The following PDE4B variants were observed in gnomAD, a reference collection of about 807,000 sequenced individuals.
PDE4B encodes 3',5'-cyclic-AMP phosphodiesterase 4B.
Under a neutral mutation model 82.2 loss-of-function variants are expected in PDE4B, and 20 were observed. The observed-to-expected ratio is 0.24, with a 90% CI of 0.17 to 0.35. The LOEUF (loss-of-function observed/expected upper bound fraction) is 0.35. PDE4B is among the 10% of genes least tolerant of loss of function. PDE4B has a pLI of 1.00. For missense variants in PDE4B, 655 were observed against 907.2 expected, an observed-to-expected ratio of 0.72 and a Z score of 3.57; for synonymous variants, 320 against 318.9, an observed-to-expected ratio of 1.00 and a Z score of -0.04.
chr1:65,849,184 A>G (rs1646301536), intron 1 of PDE4B, among the ~76,000 whole-genome samples: 1 of 152,128 alleles, frequency 6.6e-6, no homozygotes, highest in Non-Finnish European at 1.5e-5. Flanking sequence ...TCCACTGGCT[A>G]TTTGCCTTCA....
chr1:66,104,166 C>T (rs1645287137), intron 3 of PDE4B, among the ~76,000 whole-genome samples: 2 of 149,282 alleles, frequency 1.3e-5, no homozygotes, highest in South Asian at 2.1e-4. Flanking sequence ...TCAATTCCCA[C>T]CTATGAGTGA....
chr1:66,341,450 T>C (rs1188323358), intron 8 of PDE4B, among the ~76,000 whole-genome samples: 1 of 152,224 alleles, frequency 6.6e-6, no homozygotes, highest in African/African-American at 2.4e-5. Context: ...CTTAATAATT[T>C]CAAGTAAAGA....
chr1:66,056,612 A>G (rs762735923), intron 3 of PDE4B, among the ~76,000 whole-genome samples: 4 of 151,770 alleles, frequency 2.6e-5, no homozygotes, highest in African/African-American at 4.8e-5. Flanking sequence ...GGAGCTTGAG[A>G]TGGGTTATAT....
chr1:66,332,748 T>A (rs775164330), intron 8 of PDE4B, 128 bp downstream of exon 8: 6 of 745,864 alleles, frequency 8.0e-6, no homozygotes, highest in Non-Finnish European at 1.3e-5. Context: ...TTGCTTTGTC[T>A]AGAAGATTCT....
intron 3 of PDE4B, among the ~76,000 whole-genome samples, chr1:66,037,086 T>G (rs1433841574): frequency 1.5e-5 from 2 of 136,356 alleles, no homozygotes; most frequent in East Asian, 4.4e-4. Context: ...TGAGCCAAGA[T>G]CACACCACTG....
chr1:66,287,505 A>T (rs1028758170), intron 7 of PDE4B, among the ~76,000 whole-genome samples: 1 of 152,156 alleles, frequency 6.6e-6, no homozygotes, highest in African/African-American at 2.4e-5. Context: ...GTGAAACAGG[A>T]GGAATCACAC....
intron 3 of PDE4B, among the ~76,000 whole-genome samples, chr1:66,045,086 C>G (rs1298635749): frequency 2.0e-5 from 3 of 151,754 alleles, no homozygotes; most frequent in Admixed American, 6.6e-5. Context: ...GGTCAAACTC[C>G]TGCTCAATGC....
chr1:66,326,232 A>T (rs1659744009), intron 7 of PDE4B, among the ~76,000 whole-genome samples: 1 of 152,218 alleles, frequency 6.6e-6, no homozygotes, highest in Non-Finnish European at 1.5e-5. Flanking sequence ...GAAAGCCTAC[A>T]TGGACAACCA....
At chr1:65,819,606 A>G (rs1258290629) in intron 1 of PDE4B, among the ~76,000 whole-genome samples, 1 of 149,836 alleles carries the variant, frequency 6.7e-6, no homozygotes, top group Non-Finnish European at 1.5e-5. Flanking sequence ...GGTTCACGCT[A>G]TTCTCCTGCC....
intron 7 of PDE4B, among the ~76,000 whole-genome samples, chr1:66,301,126 A>G (rs915343647): frequency 6.6e-6 from 1 of 152,150 alleles, no homozygotes; most frequent in Non-Finnish European, 1.5e-5. Context: ...TAGTACAGCT[A>G]TGAGTATATT....
At chr1:66,355,221 A>T in intron 8 of PDE4B, 2 of 356,106 alleles carry the variant, frequency 5.6e-6, no homozygotes. Flanking sequence ...AGACAAATGT[A>T]TTTTTAAAAG....
chr1:66,210,551 G>A lies in PDE4B; in HGVS notation c.282-36909G>A, dbSNP rs543515319. Among the ~76,000 whole-genome samples, 8 of 123,310 alleles carry A rather than the reference G, an allele frequency of 6.5e-5. No individual in the cohort carries two copies. The East Asian group carries it at 1.7e-3, about 27-fold the overall frequency. 80.9% of individuals were successfully genotyped at this position (123,310 alleles called of 152,430 possible). On this transcript the variant is annotated intron_variant, in intron 3 of 16. Transcript: ENST00000341517. ...GCGTAGGTTGCAGTGAGCCAAGATC[G>A]CACCACTGCACTCCAGCCTGGGTGA...
chr1:65,809,117 G>A (rs773930444), intron 1 of PDE4B, among the ~76,000 whole-genome samples: 3 of 151,880 alleles, frequency 2.0e-5, no homozygotes, highest in Non-Finnish European at 4.4e-5. Flanking sequence ...GATCACTTGA[G>A]GTCAGGAGTT....
intron 1 of PDE4B, among the ~76,000 whole-genome samples, chr1:65,824,674 C>T (rs1192110137): frequency 1.3e-5 from 2 of 150,122 alleles, no homozygotes; most frequent in Non-Finnish European, 3.0e-5. Flanking sequence ...TATATATATA[C>T]ACACAATTCA....
At chr1:66,249,469 G>T (rs376375559) in intron 4 of PDE4B, among the ~76,000 whole-genome samples, 1 of 152,160 alleles carries the variant, frequency 6.6e-6, no homozygotes, top group African/African-American at 2.4e-5. Flanking sequence ...TGCACTTCCA[G>T]ATTAAATCTT....
intron 3 of PDE4B, among the ~76,000 whole-genome samples, chr1:66,101,253 T>C (rs1471732901): frequency 6.6e-5 from 10 of 152,260 alleles, no homozygotes; most frequent in East Asian, 5.8e-4. Context: ...TGGGTTGGTT[T>C]CAAGTCTTTG....
At chr1:66,049,906 A>G (rs1220897432) in intron 3 of PDE4B, among the ~76,000 whole-genome samples, 3 of 152,036 alleles carry the variant, frequency 2.0e-5, no homozygotes, top group Admixed American at 1.3e-4. Flanking sequence ...AAAAAAATGT[A>G]TTTACGTTTC....
chr1:66,139,048 G>A (rs940213702), intron 3 of PDE4B, among the ~76,000 whole-genome samples: 5 of 152,200 alleles, frequency 3.3e-5, no homozygotes, highest in Non-Finnish European at 5.9e-5. Flanking sequence ...GACCCAAAAG[G>A]TCTAATTATA....
intron 3 of PDE4B, among the ~76,000 whole-genome samples, chr1:66,090,621 A>ATATGTGTGTG: frequency 9.0e-5 from 11 of 122,734 alleles, no homozygotes; most frequent in African/African-American, 2.9e-4. Flanking sequence ...TATATAATAT[A>ATATGTGTGTG]TGTGTGTGTG....
Sources: allele counts gnomAD v4.1 joint callset (sites outside exome capture counted in the v4.1 genomes callset), GRCh38; gene constraint gnomAD v4.1.1; transcripts MANE v1.5; gene names NCBI Gene and HGNC (gene_info 2026-07-23, HGNC 2026-07-21).